TTC38: variants seen among roughly 807,000 people sequenced by gnomAD.
The protein encoded by TTC38 is tetratricopeptide repeat protein 38.
In TTC38, 64 loss-of-function variants were observed where a neutral mutation model predicts 64.2. The ratio of observed to expected loss-of-function variants is 1.00; its 90% CI spans 0.81 to 1.23. TTC38 has a LOEUF of 1.23. Among genes scored for constraint, TTC38 ranks in the 50% most tolerant of loss-of-function variants. The pLI, the probability that TTC38 is intolerant of heterozygous loss-of-function variation, is 0.00. For synonymous variants in TTC38, 254 were observed against 249.3 expected, an observed-to-expected ratio of 1.02 and a Z score of -0.18; for missense variants, 573 against 615.5, an observed-to-expected ratio of 0.93 and a Z score of 0.73.
Position 46,272,814 on chromosome 22 carries a change from G to A in TTC38, c.193+398G>A, listed in dbSNP as rs1936923868. On this transcript the variant is annotated intron_variant, in intron 3 of 13. Transcript: ENST00000381031. This position sits in a 1 kb window ranked among gnomAD's most constrained non-coding sequence, Gnocchi z 6.4. ...CCCAGACCCCTGGAACATGAGAGGT[G>A]GCTGCTGCAGCCTCCGTCAGGGGAC... 6.6e-6 allele frequency among the ~76,000 whole-genome samples: 1 copy of A among 152,170 alleles called. No homozygotes were observed. The highest frequency in any genetic ancestry group is 6.5e-5 in the Admixed American group (1 of 15,274).
intron 10 of TTC38, among the ~76,000 whole-genome samples, chr22:46,287,385 C>T (rs1482412451): frequency 6.6e-6 from 1 of 152,256 alleles, no homozygotes; most frequent in Non-Finnish European, 1.5e-5. Context: ...CCCACCGCTC[C>T]TCGATGTGGA....
chr22:46,268,778 G>A (rs1282935886), intron 2 of TTC38, 187 bp downstream of exon 2: 4 of 570,536 alleles, frequency 7.0e-6, no homozygotes, highest in African/African-American at 5.7e-5. Context: ...TTTGCCTCCC[G>A]GGTTCACGCC....
At chr22:46,289,624 A>G (rs944962958) in intron 12 of TTC38, 63 bp downstream of exon 12, 63 of 1,533,006 alleles carry the variant, frequency 4.1e-5, no homozygotes, top group Non-Finnish European at 5.2e-5. Context: ...GGCGCCCCGC[A>G]GCCCCCAAGT....
rs1345913589 is a variant in TTC38 at position 46,292,867 on chromosome 22, G to A, written c.1393G>A (p.Val465Ile). 2.9e-5 allele frequency: 47 copies of A among 1,613,526 alleles called. No homozygotes were observed. The highest frequency in any genetic ancestry group is 5.3e-5 in the African/African-American group (4 of 74,922). The change falls in exon 14 of 14, where the codon GTC becomes ATC. Residue 465 changes from valine (V) to isoleucine (I), a missense_variant. Val to Ile is a conservative substitution (Grantham distance 29). Around this residue, in one of 3 missense-constraint regions of TTC38, gnomAD observed 371 missense variants for 381.8 expected, o/e 0.97. Coordinates refer to ENST00000381031, the MANE Select transcript of TTC38 (RefSeq NM_017931.4). The surrounding 1 kb of genome is among the most constrained non-coding windows in gnomAD (Gnocchi z 6.5). Reference sequence around the variant, plus strand: ...GCGGCTCATCCGCAAGGCAGCTACCGTCCACCTCATGCAGTGAGCCAGCCT... The same window carrying A: ...GCGGCTCATCCGCAAGGCAGCTACCATCCACCTCATGCAGTGAGCCAGCCT... ...TERLIRKAAT[V>I]HLMQ
At chr22:46,288,940 G>A (rs1174552547) in intron 11 of TTC38, among the ~76,000 whole-genome samples, 2 of 152,206 alleles carry the variant, frequency 1.3e-5, no homozygotes. Flanking sequence ...CTGAGGTCCT[G>A]GACGAGGTGC....
chr22:46,290,533 C>T (rs1183532391), intron 13 of TTC38, among the ~76,000 whole-genome samples: 6,201 of 123,110 alleles, frequency 0.05, 181 homozygotes, highest in Non-Finnish European at 0.072. Context: ...TGTGTTAGGG[C>T]AGCGTGGCTG....
At position 46,270,685 on chromosome 22, in the gene TTC38, A is replaced by G. The variant is rs1936875537; in HGVS notation, c.112-1650A>G. Among the ~76,000 whole-genome samples the G allele has an allele frequency of 6.6e-6, 1 of 152,090 alleles. No individual in the cohort carries two copies. Among genetic ancestry groups the G allele is most frequent in the South Asian group, 2.1e-4 (1 of 4,818 alleles). On this transcript the variant is annotated intron_variant, in intron 2 of 13. Transcript: ENST00000381031. This position sits in a 1 kb window ranked among gnomAD's most constrained non-coding sequence, Gnocchi z 4.7. ...CTGTCTCTACTAAAAATATAAAAAAATTAGCCGGGCATGGTGGCATGGGCC... is the reference window on the plus strand; with the variant it reads ...CTGTCTCTACTAAAAATATAAAAAAGTTAGCCGGGCATGGTGGCATGGGCC...
At position 46,282,015 on chromosome 22, in the gene TTC38, T is replaced by C. The variant is rs1285202877; in HGVS notation, c.735+297T>C. 1.8e-6 allele frequency: 1 copy of C among 556,088 alleles called. No individual in the cohort carries two copies. Among genetic ancestry groups the C allele is most frequent in the Non-Finnish European group, 3.5e-6 (1 of 282,172 alleles). 34.4% of individuals were successfully genotyped at this position (556,088 alleles called of 1,614,324 possible). A position where few individuals can be genotyped will look rare whatever the true frequency, so the allele number is the denominator to read the frequency against. The stretch of plus-strand genomic sequence containing the variant: ...AGCAGCCTCTTCAAAGCACATGAGC[T>C]GCACCATGACGGGGACCCTCTGTGG... On this transcript the variant is annotated intron_variant, in intron 7 of 13. Transcript: ENST00000381031. This position sits in a 1 kb window ranked among gnomAD's most constrained non-coding sequence, Gnocchi z 4.4.
At chr22:46,284,413 T>G (rs1176350143) in intron 8 of TTC38, among the ~76,000 whole-genome samples, 1 of 152,188 alleles carries the variant, frequency 6.6e-6, no homozygotes, top group Non-Finnish European at 1.5e-5. Context: ...TACAAGACTG[T>G]CACTTGCAGT....
At position 46,292,765 on chromosome 22, in the gene TTC38, C is replaced by T. The variant is rs755018422; in HGVS notation, c.1317-26C>T. 1.2e-6 allele frequency: 2 copies of T among 1,602,380 alleles called. No individual in the cohort carries two copies. The highest frequency in any genetic ancestry group is 1.3e-5 in the African/African-American group (1 of 74,824). ...CACATCCCTCTAGAAGGTTCTGTAA[C>T]AGGACCTCTGTGTCTGTTTCCACAG... On this transcript the variant is annotated intron_variant, in intron 13 of 13. Coordinates refer to ENST00000381031, the MANE Select transcript of TTC38 (RefSeq NM_017931.4). This position sits in a 1 kb window ranked among gnomAD's most constrained non-coding sequence, Gnocchi z 6.5.
chr22:46,281,959 C>G lies in TTC38; in HGVS notation c.735+241C>G. 1 of 653,074 alleles carries G rather than the reference C, an allele frequency of 1.5e-6. No individual in the cohort carries two copies. The highest frequency in any genetic ancestry group is 2.9e-6 in the Non-Finnish European group (1 of 346,280). 40.5% of individuals were successfully genotyped at this position (653,074 alleles called of 1,614,324 possible). A position where few individuals can be genotyped will look rare whatever the true frequency, so the allele number is the denominator to read the frequency against. ...CACTGAGGGTCCAGCCCAGACTTCT[C>G]TGTCCTTACAGGGCCTGGTCAGGAG... is the stretch of plus-strand genomic sequence containing the variant. On this transcript the variant is annotated intron_variant, in intron 7 of 13. Coordinates refer to ENST00000381031, the MANE Select transcript of TTC38 (RefSeq NM_017931.4). This position sits in a 1 kb window ranked among gnomAD's most constrained non-coding sequence, Gnocchi z 5.2.
intron 11 of TTC38, among the ~76,000 whole-genome samples, chr22:46,289,066 G>T (rs1466609978): frequency 1.3e-5 from 2 of 152,258 alleles, no homozygotes; most frequent in East Asian, 3.8e-4. Context: ...CGGGGGTGAT[G>T]ATTGCCTTGG....
chr22:46,274,141 C>CGG lies in TTC38; in HGVS notation c.365+72_365+73insGG. 2 of 1,220,844 alleles carry CGG rather than the reference C, an allele frequency of 1.6e-6. No homozygotes were observed. Among genetic ancestry groups the CGG allele is most frequent in the Non-Finnish European group, 2.4e-6 (2 of 849,662 alleles). The allele number at this position is 1,220,844 out of a possible 1,614,324, so 75.6% of individuals were successfully genotyped here. A position where few individuals can be genotyped will look rare whatever the true frequency, so the allele number is the denominator to read the frequency against. ...GGGGGAGTGGCAGGGTATCCCTTTCCTGATGCCCTTGGGACGGGGGCGGGG... is the reference window on the plus strand; with the variant it reads ...GGGGGAGTGGCAGGGTATCCCTTTCCGGTGATGCCCTTGGGACGGGGGCGGGG... On this transcript the variant is annotated intron_variant, in intron 4 of 13. Coordinates refer to ENST00000381031, the MANE Select transcript of TTC38 (RefSeq NM_017931.4). This position sits in a 1 kb window ranked among gnomAD's most constrained non-coding sequence, Gnocchi z 4.8.
chr22:46,292,039 G>T lies in TTC38; in HGVS notation c.1317-752G>T, dbSNP rs146416986. ...GTCTCACAGTTCTGGAGGCTGGAAT[G>T]TCCAGGAACAAGGCCTGGCTGGGTT... is the stretch of plus-strand genomic sequence containing the variant. On this transcript the variant is annotated intron_variant, in intron 13 of 13. Coordinates refer to ENST00000381031, the MANE Select transcript of TTC38 (RefSeq NM_017931.4). The surrounding 1 kb of genome is among the most constrained non-coding windows in gnomAD (Gnocchi z 6.5). Among the ~76,000 whole-genome samples the T allele has an allele frequency of 8.3e-3, 1,263 of 152,346 alleles. 10 individuals carry two copies. The highest frequency in any genetic ancestry group is 0.031 in the Middle Eastern group (9 of 294).
At chr22:46,269,094 C>T (rs578208845) in intron 2 of TTC38, 4 of 420,828 alleles carry the variant, frequency 9.5e-6, no homozygotes, top group African/African-American at 2.2e-5. Flanking sequence ...CTCTGCCCCC[C>T]CCCCACAGCG....
At chr22:46,283,097 T>G (rs2077546554) in intron 7 of TTC38, among the ~76,000 whole-genome samples, 3 of 151,808 alleles carry the variant, frequency 2.0e-5, no homozygotes, top group African/African-American at 7.3e-5. Context: ...CCTGGCTAAT[T>G]AAAAAAATTT....
chr22:46,279,931 C>G (rs1395301097), intron 6 of TTC38: 1 of 350,456 alleles, frequency 2.9e-6, no homozygotes, highest in Admixed American at 3.9e-5. Context: ...TGTGGCAAAC[C>G]AGATGTGGCA....
rs765393027 is a variant in TTC38, at chr22:46,283,953, C to CG, written c.736-20_736-19insG. On this transcript the variant is annotated intron_variant, in intron 7 of 13. Coordinates refer to ENST00000381031, the MANE Select transcript of TTC38 (RefSeq NM_017931.4). ...GGCCTTCAGACTTTTCATAAATTCTCTTTTTTTTTTTTTCTCCAGGACTCT... is the reference window on the plus strand; with the variant it reads ...GGCCTTCAGACTTTTCATAAATTCTCGTTTTTTTTTTTTTCTCCAGGACTCT... The CG allele has an allele frequency of 0.015, 19,403 of 1,296,634 alleles. 162 individuals carry two copies. Among genetic ancestry groups the CG allele is most frequent in the African/African-American group, 0.076 (4,932 of 64,998 alleles). The allele number at this position is 1,296,634 out of a possible 1,614,324, so 80.3% of individuals were successfully genotyped here.
At position 46,293,980 on chromosome 22, in the gene TTC38, G is replaced by A. The variant is rs1046650198; in HGVS notation, c.*1096G>A. On this transcript the variant is annotated 3_prime_UTR_variant, in exon 14 of 14. Transcript: ENST00000381031. The surrounding 1 kb of genome is among the most constrained non-coding windows in gnomAD (Gnocchi z 6.6). ...TGCTCAAGCCCAGGCAAATTTCTGT[G>A]ATTAAAATGAATTCATCAGTTCCTC... 6.6e-6 allele frequency: 1 copy of A among 152,406 alleles called. No individual in the cohort carries two copies. Among genetic ancestry groups the A allele is most frequent in the South Asian group, 2.1e-4 (1 of 4,834 alleles). 9.4% of individuals were successfully genotyped at this position (152,406 alleles called of 1,614,324 possible). A position where few individuals can be genotyped will look rare whatever the true frequency, so the allele number is the denominator to read the frequency against.
Sources: gnomAD v4.1 joint callset for allele counts (sites outside exome capture counted in the v4.1 genomes callset) on GRCh38, gnomAD v4.1.1 for gene constraint, gnomAD v4.1.1 regional missense constraint, Gnocchi (gnomAD v3.1) non-coding constraint, MANE v1.5 for transcripts, NCBI Gene and HGNC (gene_info 2026-07-23, HGNC 2026-07-21) for gene names.